MCM9: variants seen among roughly 807,000 people sequenced by gnomAD.
MCM9 encodes DNA helicase MCM9.
In MCM9, 55 loss-of-function variants were observed where a neutral mutation model predicts 72.8. The observed-to-expected ratio is 0.76, with a 90% CI of 0.61 to 0.95. The LOEUF (loss-of-function observed/expected upper bound fraction) is 0.95, where lower values mean the gene tolerates loss of function less well. Ranked by LOEUF, MCM9 falls within the 40% of genes least tolerant of loss-of-function variation. The pLI, the probability that MCM9 is intolerant of heterozygous loss-of-function variation, is 0.00. For missense variants in MCM9, 1,279 were observed against 1,377.0 expected (o/e 0.93, Z 1.13); for synonymous variants, 480 against 503.4 (o/e 0.95, Z 0.62).
At chr6:118,839,415 G>A (rs1232591551) in intron 9 of MCM9, among the ~76,000 whole-genome samples, 1 of 151,942 alleles carries the variant, frequency 6.6e-6, no homozygotes, top group Non-Finnish European at 1.5e-5. Context: ...ACATTCTGAA[G>A]CCTACTTCTG....
intron 9 of MCM9, among the ~76,000 whole-genome samples, chr6:118,831,735 T>C (rs1020485602): frequency 8.5e-5 from 13 of 152,172 alleles, no homozygotes; most frequent in Admixed American, 7.9e-4. Context: ...AATGAATTCA[T>C]AGACTGTAAG....
chr6:118,894,906 G>A (rs966921779), intron 8 of MCM9, among the ~76,000 whole-genome samples: 1 of 152,142 alleles, frequency 6.6e-6, no homozygotes, highest in Admixed American at 6.5e-5. Flanking sequence ...AGGCTGGGAA[G>A]GGAGAGGCTG....
intron 8 of MCM9, among the ~76,000 whole-genome samples, chr6:118,871,694 A>C (rs1306121887): frequency 1.3e-5 from 2 of 152,112 alleles, no homozygotes; most frequent in Non-Finnish European, 2.9e-5. Context: ...AGGCGGGCAG[A>C]TCACGAGGTC....
chr6:118,840,817 AGC>A (rs1427485789), intron 9 of MCM9, among the ~76,000 whole-genome samples: 1 of 135,354 alleles, frequency 7.4e-6, no homozygotes, highest in Non-Finnish European at 1.5e-5. Context: ...AGCCCACTGC[AGC>A]TTCCACCTCC....
At chr6:118,875,578 G>A (rs1777881350) in intron 8 of MCM9, among the ~76,000 whole-genome samples, 1 of 152,016 alleles carries the variant, frequency 6.6e-6, no homozygotes, top group South Asian at 2.1e-4. Context: ...CAAGGCTGCA[G>A]TGAGCCATGT....
rs1205224990 is a variant in MCM9, at chr6:118,826,705, T to C, written c.1815+77A>G. ...ATGAGCATTTTAATAACTTTTGATATGTTAATAAAGTGTCCTTTTTTAAAA... is the reference window on the plus strand; with the variant it reads ...ATGAGCATTTTAATAACTTTTGATACGTTAATAAAGTGTCCTTTTTTAAAA... On this transcript the variant is annotated intron_variant, in intron 12 of 13. Transcript: ENST00000619706. The C allele has an allele frequency of 3.7e-5, 38 of 1,020,730 alleles. 1 individual carries two copies. In the South Asian group the frequency reaches 4.8e-4, roughly 13 times the overall value. 63.2% of individuals were successfully genotyped at this position (1,020,730 alleles called of 1,614,324 possible).
At chr6:118,870,710 T>C (rs1275400148) in intron 8 of MCM9, among the ~76,000 whole-genome samples, 1 of 151,302 alleles carries the variant, frequency 6.6e-6, no homozygotes, top group Non-Finnish European at 1.5e-5. Context: ...AAAAATAAAA[T>C]TGACAAACTC....
chr6:118,903,852 G>T (rs1481416649), intron 8 of MCM9, among the ~76,000 whole-genome samples: 1 of 152,114 alleles, frequency 6.6e-6, no homozygotes, highest in Non-Finnish European at 1.5e-5. Flanking sequence ...CTCCCAAAGT[G>T]CTAGGATTAC....
rs931702818 is a variant in MCM9 at position 118,935,113 on chromosome 6, G to A, written c.-372C>T. 1 of 152,168 alleles carries A rather than the reference G, an allele frequency of 6.6e-6. No individual in the cohort carries two copies. Among genetic ancestry groups the A allele is most frequent in the African/African-American group, 2.4e-5 (1 of 41,452 alleles). The allele number at this position is 152,168 out of a possible 1,614,324, so 9.4% of individuals were successfully genotyped here. On this transcript the variant is annotated 5_prime_UTR_variant, in exon 1 of 14. Transcript: ENST00000619706. Reference sequence around the variant, plus strand: ...CGGGCCTGCGCTCTCGACCGACGCCGGGCCGCGCACCGCCTCAACTTCCCT... The same window carrying A: ...CGGGCCTGCGCTCTCGACCGACGCCAGGCCGCGCACCGCCTCAACTTCCCT...
intron 11 of MCM9, 21 bp from the exon 12 acceptor site, chr6:118,826,885 T>G (rs1055716331): frequency 2.1e-5 from 32 of 1,539,434 alleles, no homozygotes; most frequent in Non-Finnish European, 2.8e-5. Flanking sequence ...AAAACACATT[T>G]GTTTTTTAGG....
At chr6:118,908,604 G>A (rs886313878) in intron 8 of MCM9, 5 of 152,064 alleles carry the variant, frequency 3.3e-5, no homozygotes, top group African/African-American at 9.7e-5. Flanking sequence ...TGACACTCAT[G>A]CAGAATGAGA....
At chr6:118,838,789 G>A (rs1775152393) in intron 9 of MCM9, among the ~76,000 whole-genome samples, 1 of 152,196 alleles carries the variant, frequency 6.6e-6, no homozygotes, top group Non-Finnish European at 1.5e-5. Flanking sequence ...GGTTTCTGTA[G>A]AGAGATCCAC....
At chr6:118,896,490 C>A (rs994283747) in intron 8 of MCM9, among the ~76,000 whole-genome samples, 1 of 152,126 alleles carries the variant, frequency 6.6e-6, no homozygotes, top group Admixed American at 6.5e-5. Context: ...TGAAACCAGC[C>A]ATTCATAAAG....
At chr6:118,912,362 T>C (rs1780616950) in intron 7 of MCM9, 1 of 152,200 alleles carries the variant, frequency 6.6e-6, no homozygotes, top group Admixed American at 6.5e-5. Flanking sequence ...TTATGAAAAT[T>C]TTAGTAACTT....
chr6:118,885,608 A>G (rs1172027456), intron 8 of MCM9, among the ~76,000 whole-genome samples: 1 of 152,222 alleles, frequency 6.6e-6, no homozygotes, highest in East Asian at 1.9e-4. Context: ...CAACTACTGA[A>G]ACTAACTCAA....
chr6:118,917,952 G>T, intron 5 of MCM9, 191 bp from the exon 6 acceptor site: 1 of 580,650 alleles, frequency 1.7e-6, no homozygotes, highest in South Asian at 2.2e-5. Flanking sequence ...CCACAGTCAT[G>T]TATCTGTAAA....
At chr6:118,865,255 C>A (rs543873145) in intron 8 of MCM9, among the ~76,000 whole-genome samples, 1 of 152,026 alleles carries the variant, frequency 6.6e-6, no homozygotes, top group Admixed American at 6.6e-5. Flanking sequence ...ATTTCAGGGA[C>A]GTCATACCAT....
Position 118,814,917 on chromosome 6 carries a change from C to A in MCM9, c.3339G>T (p.Leu1113=). ...TGAAGAGGGATTCTTTGGAAACAAT[C>A]AGTTTCTCGGTGGACCCACGGAGCT... ...SFQLRGSTEK[L]IVSKESLFTL... Residue 1113 remains leucine, a synonymous_variant, in exon 14 of 14, where the codon CTG becomes CTT. Transcript: ENST00000619706. 6.5e-7 allele frequency: 1 copy of A among 1,549,912 alleles called. No homozygotes were observed. The highest frequency in any genetic ancestry group is 8.7e-7 in the Non-Finnish European group (1 of 1,146,716).
At chr6:118,930,048 A>G (rs186659404) in intron 3 of MCM9, among the ~76,000 whole-genome samples, 22 of 152,230 alleles carry the variant, frequency 1.4e-4, no homozygotes, top group African/African-American at 5.3e-4. Context: ...CTTATTGATT[A>G]TAAATCACCA....
Sources: allele counts gnomAD v4.1 joint callset (sites outside exome capture counted in the v4.1 genomes callset), GRCh38; gene constraint gnomAD v4.1.1; transcripts MANE v1.5; gene names NCBI Gene and HGNC (gene_info 2026-07-23, HGNC 2026-07-21).